SUGCT: variants seen among roughly 807,000 people sequenced by gnomAD.
The protein encoded by SUGCT is succinyl-CoA:glutarate CoA-transferase.
A neutral mutation model predicts 55.0 loss-of-function variants in SUGCT; 41 were observed. The ratio of observed to expected loss-of-function variants is 0.74; its 90% confidence interval spans 0.58 to 0.97. The LOEUF (loss-of-function observed/expected upper bound fraction) is 0.97. Among genes scored for constraint, SUGCT ranks in the 50% least tolerant of loss-of-function variants. The pLI, the probability that SUGCT is intolerant of heterozygous loss-of-function variation, is 0.00. For missense variants in SUGCT, 568 were observed against 547.8 expected, an observed-to-expected ratio of 1.04 and a Z score of -0.37; for synonymous variants, 187 against 200.4, an observed-to-expected ratio of 0.93 and a Z score of 0.56.
the SUGCT span, among the ~76,000 whole-genome samples, chr7:40,880,001 G>C: frequency 6.6e-6 from 1 of 152,236 alleles, no homozygotes; most frequent in Non-Finnish European, 1.5e-5. Context: ...TCTGTTCCTT[G>C]AAAGAATGGC....
chr7:40,218,196 G>C (rs1335274286), intron 6 of SUGCT, among the ~76,000 whole-genome samples: 1 of 152,208 alleles, frequency 6.6e-6, no homozygotes, highest in African/African-American at 2.4e-5. Flanking sequence ...CTGGGTGACA[G>C]AGCTAGACTT....
chr7:40,499,415 A>G (rs1345824802), intron 12 of SUGCT: 1 of 207,724 alleles, frequency 4.8e-6, no homozygotes, highest in African/African-American at 2.4e-5. Flanking sequence ...CAATTTCATC[A>G]TAGTCTCATG....
chr7:40,138,755 T>C (rs1787825377), intron 1 of SUGCT, among the ~76,000 whole-genome samples: 2 of 152,232 alleles, frequency 1.3e-5, no homozygotes, highest in African/African-American at 2.4e-5. Flanking sequence ...TGATTGGTGA[T>C]GTTGAACATT....
the SUGCT span, among the ~76,000 whole-genome samples, chr7:40,925,137 T>C: frequency 2.0e-5 from 3 of 152,234 alleles, no homozygotes; most frequent in East Asian, 5.8e-4. Flanking sequence ...ATCTCTGGGT[T>C]ATAATAGCCC....
At chr7:40,598,776 C>T (rs925144992) in intron 12 of SUGCT, among the ~76,000 whole-genome samples, 3 of 152,166 alleles carry the variant, frequency 2.0e-5, no homozygotes, top group Admixed American at 1.3e-4. Flanking sequence ...TGAATGACAG[C>T]TACCATCCCA....
chr7:40,213,504 T>C (rs959009768), intron 6 of SUGCT, among the ~76,000 whole-genome samples: 2 of 152,184 alleles, frequency 1.3e-5, no homozygotes, highest in African/African-American at 4.8e-5. Flanking sequence ...TTAACTTTGA[T>C]CTCTTCGTTA....
At chr7:40,847,411 C>CTTTTTTTTTTTTTTTTTTTTT (rs981613426) in intron 13 of SUGCT, among the ~76,000 whole-genome samples, 1 of 75,398 alleles carries the variant, frequency 1.3e-5, no homozygotes, top group African/African-American at 4.7e-5. Context: ...TTCTTTCTTT[C>CTTTTTTTTTTTTTTTTTTTTT]TTTTTTTTTT....
chr7:40,883,113 A>G, the SUGCT span, among the ~76,000 whole-genome samples: 1 of 152,190 alleles, frequency 6.6e-6, no homozygotes, highest in African/African-American at 2.4e-5. Context: ...GGTGTTCCCA[A>G]CTTAAGTTTG....
intron 8 of SUGCT, among the ~76,000 whole-genome samples, chr7:40,293,379 G>A: frequency 6.6e-6 from 1 of 152,120 alleles, no homozygotes; most frequent in Non-Finnish European, 1.5e-5. Flanking sequence ...CAGAATTTCT[G>A]CTGTCTCTTT....
At chr7:40,467,430 CTT>C (rs1790183323) in intron 11 of SUGCT, among the ~76,000 whole-genome samples, 1 of 151,974 alleles carries the variant, frequency 6.6e-6, no homozygotes, top group African/African-American at 2.4e-5. Context: ...CACATTTATC[CTT>C]TGTGTCTCAA....
At chr7:40,449,102 T>C (rs550720499) in intron 9 of SUGCT, among the ~76,000 whole-genome samples, 185 bp from the exon 10 acceptor site, 2 of 152,184 alleles carry the variant, frequency 1.3e-5, no homozygotes, top group East Asian at 3.9e-4. Context: ...TTAGTGTGTA[T>C]ATATATATTA....
At chr7:41,034,914 G>A in the SUGCT span, among the ~76,000 whole-genome samples, 7 of 152,164 alleles carry the variant, frequency 4.6e-5, no homozygotes, top group Non-Finnish European at 8.8e-5. Flanking sequence ...TTTGAATAGC[G>A]TGGTTCTGCT....
intron 11 of SUGCT, among the ~76,000 whole-genome samples, chr7:40,478,483 T>A (rs1440241994): frequency 6.6e-6 from 1 of 152,226 alleles, no homozygotes; most frequent in East Asian, 1.9e-4. Flanking sequence ...AAGGTCATGA[T>A]GGAGACAAAT....
chr7:40,458,423 G>A (rs983090097), intron 10 of SUGCT, among the ~76,000 whole-genome samples: 4 of 152,174 alleles, frequency 2.6e-5, no homozygotes, highest in African/African-American at 9.7e-5. Context: ...AGGAGCAAAA[G>A]AGGAAATCTA....
chr7:40,868,852 G>T, the SUGCT span, among the ~76,000 whole-genome samples: 3 of 152,044 alleles, frequency 2.0e-5, no homozygotes, highest in Non-Finnish European at 4.4e-5. Flanking sequence ...CTGGCTATGG[G>T]CTATGACTTG....
chr7:40,384,562 T>G (rs1688411347), intron 9 of SUGCT, among the ~76,000 whole-genome samples: 1 of 152,080 alleles, frequency 6.6e-6, no homozygotes, highest in Non-Finnish European at 1.5e-5. Context: ...GTAATTTTTT[T>G]TTTTTTGAGA....
rs116622098 is a variant in SUGCT at position 40,297,968 on chromosome 7, G to A, written c.721-18792G>A. Among the ~76,000 whole-genome samples, 710 of 151,952 alleles carry A rather than the reference G, an allele frequency of 4.7e-3. 4 individuals are homozygous for A. Among genetic ancestry groups the A allele is most frequent in the African/African-American group, 0.017 (687 of 41,450 alleles). On this transcript the variant is annotated intron_variant, in intron 8 of 13. Transcript: ENST00000335693. Reference sequence around the variant, plus strand: ...TTCCTCCTTCTGTTTTTTAAACATAGCCTTTTTTTTTGTCTCATGTAACCT... The same window carrying A: ...TTCCTCCTTCTGTTTTTTAAACATAACCTTTTTTTTTGTCTCATGTAACCT...
In SUGCT at chr7:40,635,977, T is replaced by G. The variant is rs191083046; in HGVS notation, c.1090-113457T>G. On this transcript the variant is annotated intron_variant, in intron 12 of 13. Transcript: ENST00000335693. ...GCTTGTGAATTTTTGGCTTGATCTA[T>G]TCTATGGGATACGTGGAGCACAGAT... 2.6e-5 allele frequency among the ~76,000 whole-genome samples: 4 copies of G among 152,322 alleles called. No individual in the cohort carries two copies. The East Asian group carries it at 7.7e-4, about 29-fold the overall frequency.
chr7:40,209,059 T>C (rs1361557004), intron 6 of SUGCT, among the ~76,000 whole-genome samples: 1 of 152,198 alleles, frequency 6.6e-6, no homozygotes, highest in Non-Finnish European at 1.5e-5. Flanking sequence ...CATTGTAAAT[T>C]GTCATTCCTA....
Sources: allele counts gnomAD v4.1 joint callset (sites outside exome capture counted in the v4.1 genomes callset), GRCh38; gene constraint gnomAD v4.1.1; transcripts MANE v1.5; gene names NCBI Gene and HGNC (gene_info 2026-07-23, HGNC 2026-07-21).